The following PTPRN2 variants were observed in gnomAD, a reference collection of about 807,000 sequenced individuals.
PTPRN2 encodes protein tyrosine phosphatase receptor type N2, also known as receptor-type tyrosine-protein phosphatase N2.
PTPRN2 carries 74 observed loss-of-function variants against 118.8 expected under a neutral mutation model. The observed-to-expected ratio is 0.62, with a 90% CI of 0.52 to 0.76. The LOEUF is 0.76. Among genes scored for constraint, PTPRN2 ranks in the 30% least tolerant of loss-of-function variants. The probability of loss-of-function intolerance (pLI) is 0.00; values close to 1 mark genes in which losing one functional copy is unlikely to be tolerated. For missense variants in PTPRN2, 1,481 were observed against 1,394.4 expected (o/e 1.06, Z -0.99); for synonymous variants, 641 against 608.0 (o/e 1.05, Z -0.80).
chr7:158,211,923 T>C (rs993915687), intron 3 of PTPRN2, among the ~76,000 whole-genome samples: 6 of 152,194 alleles, frequency 3.9e-5, no homozygotes, highest in African/African-American at 1.4e-4. Context: ...CCCATGTTTA[T>C]TGCAGCACTG....
intron 2 of PTPRN2, among the ~76,000 whole-genome samples, chr7:158,466,072 A>G (rs980620303): frequency 6.6e-6 from 1 of 152,206 alleles, no homozygotes; most frequent in Non-Finnish European, 1.5e-5. Context: ...AAATTTTTGG[A>G]TGTACATTTG....
At chr7:158,269,771 G>C (rs998464148) in intron 3 of PTPRN2, among the ~76,000 whole-genome samples, 1 of 151,842 alleles carries the variant, frequency 6.6e-6, no homozygotes, top group Middle Eastern at 3.2e-3. Flanking sequence ...CAGAGGAACA[G>C]AGACAGAGAG....
intron 3 of PTPRN2, among the ~76,000 whole-genome samples, chr7:158,285,693 C>G (rs1361711250): frequency 6.6e-6 from 1 of 152,262 alleles, no homozygotes; most frequent in African/African-American, 2.4e-5. Context: ...TGCTCTCAAC[C>G]TTGTCTGATC....
chr7:157,642,517 G>A (rs574418751), intron 14 of PTPRN2, among the ~76,000 whole-genome samples: 1 of 152,178 alleles, frequency 6.6e-6, no homozygotes, highest in African/African-American at 2.4e-5. Context: ...TCGCCTCCTC[G>A]CCTCGGGTTT....
At chr7:158,450,854 C>T (rs926623074) in intron 2 of PTPRN2, among the ~76,000 whole-genome samples, 1 of 152,222 alleles carries the variant, frequency 6.6e-6, no homozygotes. Context: ...GCTTCTGCTG[C>T]GTGGAGGGCA....
Position 157,987,430 on chromosome 7 carries a change from C to T in PTPRN2, c.1724-88693G>A, listed in dbSNP as rs773044277. On this transcript the variant is annotated intron_variant, in intron 11 of 22. Transcript: ENST00000389418. This position sits in a 1 kb window ranked among gnomAD's most constrained non-coding sequence, Gnocchi z 4.3. Reference sequence around the variant, plus strand: ...ACTAATGGGGTGATCGGTCACTAAACGGGGTGAGATGACAGGTCATTAATG... The same window carrying T: ...ACTAATGGGGTGATCGGTCACTAAATGGGGTGAGATGACAGGTCATTAATG... Among the ~76,000 whole-genome samples the T allele has an allele frequency of 5.9e-5, 9 of 151,664 alleles. No individual in the cohort carries two copies. Among genetic ancestry groups the T allele is most frequent in the African/African-American group, 9.7e-5 (4 of 41,244 alleles).
chr7:158,054,052 C>CAGAGATCCTAGAGATGG (rs1809586483), intron 11 of PTPRN2, among the ~76,000 whole-genome samples: 6 of 149,916 alleles, frequency 4.0e-5, no homozygotes, highest in Admixed American at 4.0e-4. Context: ...CCCAGAGATG[C>CAGAGATCCTAGAGATGG]AGAGATCCTA....
At position 158,173,516 on chromosome 7, in the gene PTPRN2, T is replaced by A. The variant is rs563309852; in HGVS notation, c.550-6225A>T. On this transcript the variant is annotated intron_variant, in intron 5 of 22. Transcript: ENST00000389418. Reference sequence around the variant, plus strand: ...CAATAAAAGATCACAAGGCAGGGGGTGAAATTAGAATTACTGATGAGTGTC... The same window carrying A: ...CAATAAAAGATCACAAGGCAGGGGGAGAAATTAGAATTACTGATGAGTGTC... 1.6e-4 allele frequency among the ~76,000 whole-genome samples: 25 copies of A among 151,932 alleles called. No individual in the cohort carries two copies. In the South Asian group the frequency reaches 5.2e-3, roughly 32 times the overall value.
chr7:157,688,358 A>AG (rs1208321817), intron 12 of PTPRN2, among the ~76,000 whole-genome samples: 1 of 152,110 alleles, frequency 6.6e-6, no homozygotes, highest in African/African-American at 2.4e-5. Context: ...CAAAGGGGGA[A>AG]GCACCCTTGT....
chr7:158,502,032 G>A (rs1489536546), intron 1 of PTPRN2, among the ~76,000 whole-genome samples: 6 of 152,116 alleles, frequency 3.9e-5, no homozygotes, highest in Admixed American at 3.9e-4. Flanking sequence ...GGAGTAAAAC[G>A]CACCATCCTC....
chr7:158,536,021 C>T (rs931039611), intron 1 of PTPRN2, among the ~76,000 whole-genome samples: 4 of 151,120 alleles, frequency 2.6e-5, no homozygotes, highest in African/African-American at 9.8e-5. Context: ...CACATAACCA[C>T]ACAAAACACT....
chr7:158,478,784 T>A (rs1820449280), intron 2 of PTPRN2, among the ~76,000 whole-genome samples: 1 of 152,178 alleles, frequency 6.6e-6, no homozygotes, highest in African/African-American at 2.4e-5. Context: ...AGTGGCTGTT[T>A]AATTAGCAAC....
At chr7:157,805,631 C>A (rs1464818371) in intron 12 of PTPRN2, among the ~76,000 whole-genome samples, 1 of 152,174 alleles carries the variant, frequency 6.6e-6, no homozygotes, top group Non-Finnish European at 1.5e-5. Flanking sequence ...GGCTCCACAG[C>A]CTGTTTGCCA....
rs114724310 is a variant in PTPRN2, at chr7:157,669,274, C to T, written c.2002-12723G>A. ...CAGGGCCCCGGCAGCCGAGCCTGTC[C>T]GTGATCTAAGCCGGGGACGTCCTCG... On this transcript the variant is annotated intron_variant, in intron 13 of 22. Coordinates refer to ENST00000389418, the MANE Select transcript of PTPRN2 (RefSeq NM_002847.5). 2.5e-3 allele frequency among the ~76,000 whole-genome samples: 376 copies of T among 152,364 alleles called. 3 individuals carry two copies. Among genetic ancestry groups the T allele is most frequent in the African/African-American group, 8.6e-3 (358 of 41,584 alleles).
chr7:158,255,163 T>G (rs1039845936), intron 3 of PTPRN2, among the ~76,000 whole-genome samples: 3 of 152,018 alleles, frequency 2.0e-5, no homozygotes, highest in African/African-American at 7.2e-5. Context: ...GCAAGGGAGG[T>G]TCTTTGGCTA....
At chr7:157,957,886 C>G (rs974877781) in intron 11 of PTPRN2, among the ~76,000 whole-genome samples, 23 of 152,166 alleles carry the variant, frequency 1.5e-4, no homozygotes, top group African/African-American at 5.6e-4. Context: ...TCTAACTAAT[C>G]CTGTGAGTCC....
At position 158,133,702 on chromosome 7, in the gene PTPRN2, G is replaced by A. The variant is rs762317506; in HGVS notation, c.1531C>T (p.Arg511Trp). Residue 511 changes from arginine to tryptophan, a missense_variant, in exon 9 of 23, where the codon CGG (arginine) becomes TGG (tryptophan). By Grantham distance (101) the Arg-to-Trp change is moderately radical. Around this residue, in one of 3 missense-constraint regions of PTPRN2, gnomAD observed 1,115 missense variants for 994.2 expected, o/e 1.12. Coordinates refer to ENST00000389418, the MANE Select transcript of PTPRN2 (RefSeq NM_002847.5). ...TCTCTGTCTGTCACGATGTAGCCCC[G>A]CGCCTCTTCCTCGGAAGGCTGGACC... ...LEVQPSEEEA[R>W]GYIVTDRDPL... 4.1e-5 allele frequency: 65 copies of A among 1,603,034 alleles called. No individual in the cohort carries two copies. The highest frequency in any genetic ancestry group is 9.0e-5 in the East Asian group (4 of 44,682).
At chr7:157,696,039 C>A (rs6949877) in intron 12 of PTPRN2, among the ~76,000 whole-genome samples, 13,993 of 131,622 alleles carry the variant, frequency 0.11, 329 homozygotes, top group Admixed American at 0.15. Flanking sequence ...CACCATCTAC[C>A]CATGCATACT....
At chr7:157,704,883 A>G (rs1358973295) in intron 12 of PTPRN2, among the ~76,000 whole-genome samples, 1 of 152,222 alleles carries the variant, frequency 6.6e-6, no homozygotes, top group Non-Finnish European at 1.5e-5. Context: ...ATTTTTTCAC[A>G]ATTAAAAAAC....
Sources: allele counts gnomAD v4.1 joint callset (sites outside exome capture counted in the v4.1 genomes callset), GRCh38; gene constraint gnomAD v4.1.1; regional missense constraint gnomAD v4.1.1; non-coding constraint Gnocchi (gnomAD v3.1); transcripts MANE v1.5; gene names NCBI Gene and HGNC (gene_info 2026-07-23, HGNC 2026-07-21).